The following PLCE1 variants were observed in gnomAD, a reference collection of about 807,000 sequenced individuals.
PLCE1 encodes phospholipase C epsilon 1, also known as 1-phosphatidylinositol 4,5-bisphosphate phosphodiesterase epsilon-1.
Under a neutral mutation model 242.8 loss-of-function variants are expected in PLCE1, and 119 were observed. The observed-to-expected ratio is 0.49, with a 90% CI of 0.42 to 0.57. PLCE1 has a LOEUF of 0.57. Ranked by LOEUF, PLCE1 falls within the 20% of genes least tolerant of loss-of-function variation. PLCE1 has a pLI of 0.00. For synonymous variants in PLCE1, 945 were observed against 1,017.4 expected (o/e 0.93, Z 1.35); for missense variants, 2,441 against 2,788.8 (o/e 0.88, Z 2.81).
intron 4 of PLCE1, among the ~76,000 whole-genome samples, chr10:94,203,980 C>T (rs1325651296): frequency 1.3e-5 from 2 of 152,126 alleles, no homozygotes; most frequent in East Asian, 3.8e-4. Flanking sequence ...CCTCTTGGGG[C>T]CTTATTTTCC....
chr10:94,223,562 A>AGCCCAAGAG (rs1019389457), intron 4 of PLCE1, among the ~76,000 whole-genome samples: 13 of 152,294 alleles, frequency 8.5e-5, no homozygotes, highest in Admixed American at 7.2e-4. Flanking sequence ...TATTTGGCTA[A>AGCCCAAGAG]GCCCAAGAGT....
At chr10:94,275,143 T>C (rs1274059063) in intron 19 of PLCE1, among the ~76,000 whole-genome samples, 1 of 152,188 alleles carries the variant, frequency 6.6e-6, no homozygotes, top group Non-Finnish European at 1.5e-5. Context: ...TTCATTCCAC[T>C]AATGAACAGA....
At chr10:94,168,208 A>T (rs969308071) in intron 3 of PLCE1, among the ~76,000 whole-genome samples, 2 of 152,164 alleles carry the variant, frequency 1.3e-5, no homozygotes, top group Non-Finnish European at 2.9e-5. Flanking sequence ...CCCAGAGGTG[A>T]GTTACAGCTG....
intron 2 of PLCE1, among the ~76,000 whole-genome samples, chr10:94,079,589 A>G (rs2044599237): frequency 6.6e-6 from 1 of 152,212 alleles, no homozygotes; most frequent in Non-Finnish European, 1.5e-5. Context: ...CCCAGAACTT[A>G]AAGTATAATT....
intron 2 of PLCE1, among the ~76,000 whole-genome samples, chr10:94,064,356 GC>G (rs2044142022): frequency 1.3e-5 from 2 of 152,184 alleles, no homozygotes; most frequent in African/African-American, 4.8e-5. Context: ...TTCAAGACCA[GC>G]CCAGGCAACA....
chr10:94,179,512 G>GTTTTTTTTTGTTTTTTTTTTTTTTTTT (rs750384818), intron 4 of PLCE1, among the ~76,000 whole-genome samples: 3 of 19,398 alleles, frequency 1.5e-4, no homozygotes, highest in African/African-American at 3.2e-4. Flanking sequence ...TTTTAGTTTA[G>GTTTTTTTTTGTTTTTTTTTTTTTTTTT]TTTTTTTTTT....
intron 1 of PLCE1, among the ~76,000 whole-genome samples, chr10:94,014,576 T>C (rs2061241261): frequency 6.6e-6 from 1 of 152,198 alleles, no homozygotes; most frequent in Admixed American, 6.5e-5. Context: ...TTTGCAATTG[T>C]TACCATTGCC....
chr10:94,185,350 G>T (rs1212208023), intron 4 of PLCE1, among the ~76,000 whole-genome samples: 2 of 152,224 alleles, frequency 1.3e-5, no homozygotes, highest in Non-Finnish European at 2.9e-5. Context: ...CAAAAAATTA[G>T]CCAGGCATGG....
intron 7 of PLCE1, among the ~76,000 whole-genome samples, chr10:94,241,632 A>T (rs1191463818): frequency 6.6e-6 from 1 of 152,132 alleles, no homozygotes; most frequent in Non-Finnish European, 1.5e-5. Context: ...TCTACTAAAA[A>T]TACAAAAATT....
intron 4 of PLCE1, among the ~76,000 whole-genome samples, chr10:94,182,853 A>G (rs544528492): frequency 1.1e-4 from 17 of 152,356 alleles, no homozygotes; most frequent in Admixed American, 2.6e-4. Context: ...TAAAGCAGGT[A>G]TCAGTTAACA....
At chr10:94,039,083 T>C (rs1564640562) in intron 2 of PLCE1, among the ~76,000 whole-genome samples, 1 of 152,244 alleles carries the variant, frequency 6.6e-6, no homozygotes, top group Non-Finnish European at 1.5e-5. Flanking sequence ...TACTTTTCAC[T>C]GCTGAATAAT....
intron 4 of PLCE1, among the ~76,000 whole-genome samples, chr10:94,222,163 C>T (rs2049772800): frequency 6.6e-6 from 1 of 152,106 alleles, no homozygotes. Context: ...GTGAAAGAGT[C>T]AGGCACACAA....
At chr10:94,154,286 G>A (rs1301170689) in intron 3 of PLCE1, among the ~76,000 whole-genome samples, 1 of 152,076 alleles carries the variant, frequency 6.6e-6, no homozygotes, top group Admixed American at 6.5e-5. Context: ...CAATGAAGTT[G>A]GACCCTTACC....
At chr10:94,115,879 C>T (rs1458736575) in intron 2 of PLCE1, among the ~76,000 whole-genome samples, 8 of 152,180 alleles carry the variant, frequency 5.3e-5, no homozygotes, top group Non-Finnish European at 1.0e-4. Context: ...TTATTGTTTC[C>T]TGCCTCGTGT....
chr10:93,998,279 A>G (rs1029762375), intron 1 of PLCE1, among the ~76,000 whole-genome samples: 5 of 152,116 alleles, frequency 3.3e-5, no homozygotes, highest in Non-Finnish European at 5.9e-5. Context: ...TCCTTTGAGT[A>G]GGAGGAGATG....
At chr10:94,220,535 G>T (rs2049704693) in intron 4 of PLCE1, among the ~76,000 whole-genome samples, 1 of 151,062 alleles carries the variant, frequency 6.6e-6, no homozygotes, top group Non-Finnish European at 1.5e-5. Context: ...CTGTACTCGG[G>T]GCACAAACCC....
intron 3 of PLCE1, among the ~76,000 whole-genome samples, chr10:94,143,509 G>C (rs1447119068): frequency 6.6e-6 from 1 of 152,044 alleles, no homozygotes; most frequent in Non-Finnish European, 1.5e-5. Flanking sequence ...AACATTTATA[G>C]AACATAATAA....
Position 94,031,121 on chromosome 10 carries a change from T to C in PLCE1, c.75T>C (p.Ala25=). 1 of 1,613,842 alleles carries C rather than the reference T, an allele frequency of 6.2e-7. No homozygotes were observed. Among genetic ancestry groups the C allele is most frequent in the Non-Finnish European group, 8.5e-7 (1 of 1,179,810 alleles). The change falls in exon 2 of 33, where the codon GCT becomes GCC. Residue 25 remains alanine (A), a synonymous_variant. Transcript: ENST00000371380. ...GAAAAGTGGTTTCTGCCCAGTCGGC[T>C]GCAGATGAAAGTAGTGAAAAGGTCT... ...TQRKVVSAQS[A]ADESSEKVSD...
At chr10:94,096,830 T>C (rs559134589) in intron 2 of PLCE1, 1 of 152,280 alleles carries the variant, frequency 6.6e-6, no homozygotes, top group East Asian at 1.9e-4. Flanking sequence ...AGGAGAGACA[T>C]GTTTGCTGAG....
Sources: gnomAD v4.1 joint callset for allele counts (sites outside exome capture counted in the v4.1 genomes callset) on GRCh38, gnomAD v4.1.1 for gene constraint, MANE v1.5 for transcripts, NCBI Gene and HGNC (gene_info 2026-07-23, HGNC 2026-07-21) for gene names.